The following ASTN2 variants were observed in gnomAD, a reference collection of about 807,000 sequenced individuals.
The protein encoded by ASTN2 is astrotactin 2.
Under a neutral mutation model 139.8 loss-of-function variants are expected in ASTN2, and 54 were observed. The observed-to-expected ratio is 0.39, with a 90% CI of 0.31 to 0.48. The LOEUF is 0.48. Ranked by LOEUF, ASTN2 falls within the 20% of genes least tolerant of loss-of-function variation. ASTN2 has a pLI of 0.95. For synonymous variants in ASTN2, 756 were observed against 719.5 expected, an observed-to-expected ratio of 1.05 and a Z score of -0.81; for missense variants, 1,565 against 1,725.1, an observed-to-expected ratio of 0.91 and a Z score of 1.64.
intron 13 of ASTN2, among the ~76,000 whole-genome samples, chr9:116,781,669 G>A (rs1276626432): frequency 6.6e-6 from 1 of 152,126 alleles, no homozygotes; most frequent in Non-Finnish European, 1.5e-5. Context: ...AAAAGTGTTG[G>A]ACATTTTTTT....
intron 19 of ASTN2, chr9:116,611,996 G>C (rs1325394864): frequency 6.6e-6 from 1 of 152,132 alleles, no homozygotes; most frequent in African/African-American, 2.4e-5. Flanking sequence ...ATCTCACATA[G>C]TAGGTTGTTT....
intron 10 of ASTN2, among the ~76,000 whole-genome samples, chr9:116,922,971 G>A (rs1045356211): frequency 6.6e-6 from 1 of 152,188 alleles, no homozygotes; most frequent in African/African-American, 2.4e-5. Flanking sequence ...GGGCAGAGGT[G>A]GTGCAGAACC....
At chr9:117,400,081 T>A (rs1830782232) in intron 1 of ASTN2, among the ~76,000 whole-genome samples, 2 of 152,210 alleles carry the variant, frequency 1.3e-5, no homozygotes, top group African/African-American at 4.8e-5. Flanking sequence ...TTCTCCTCTC[T>A]CTTGGAGTAG....
At chr9:117,116,834 CAAAAAAAAAAAAAAAAAAA>C (rs72075422) in intron 4 of ASTN2, among the ~76,000 whole-genome samples, 3 of 45,180 alleles carry the variant, frequency 6.6e-5, no homozygotes, top group South Asian at 1.4e-3. Flanking sequence ...TGGCATGAGC[CAAAAAAAAAAAAAAAAAAA>C]AAAAAAAAAA....
chr9:117,163,831 C>T (rs1830607931), intron 3 of ASTN2, among the ~76,000 whole-genome samples: 2 of 152,072 alleles, frequency 1.3e-5, no homozygotes, highest in African/African-American at 2.4e-5. Flanking sequence ...TAGACTTCCA[C>T]TCTTGTAACA....
At chr9:117,134,503 G>A (rs1829905344) in intron 4 of ASTN2, among the ~76,000 whole-genome samples, 1 of 151,890 alleles carries the variant, frequency 6.6e-6, no homozygotes. Flanking sequence ...TGATTTTGAT[G>A]GAGGATTTTG....
At chr9:116,498,625 C>T (rs949801326) in intron 19 of ASTN2, among the ~76,000 whole-genome samples, 1 of 151,632 alleles carries the variant, frequency 6.6e-6, no homozygotes, top group South Asian at 2.1e-4. Context: ...ATGTCAGTAT[C>T]TACTCTACAA....
chr9:116,912,535 C>T (rs1288462216), intron 10 of ASTN2, among the ~76,000 whole-genome samples: 1 of 152,160 alleles, frequency 6.6e-6, no homozygotes, highest in Admixed American at 6.5e-5. Context: ...CATAGCCTTG[C>T]TGTTAATATT....
intron 1 of ASTN2, among the ~76,000 whole-genome samples, chr9:117,405,160 G>A (rs1024725360): frequency 2.0e-5 from 3 of 152,212 alleles, no homozygotes; most frequent in Non-Finnish European, 4.4e-5. Context: ...AGAAACGCCT[G>A]CAGCTTCTTG....
intron 6 of ASTN2, among the ~76,000 whole-genome samples, chr9:117,013,052 C>G (rs1487597136): frequency 6.6e-6 from 1 of 152,054 alleles, no homozygotes; most frequent in Non-Finnish European, 1.5e-5. Context: ...CTTATTTGCC[C>G]ATCAGATTGT....
intron 4 of ASTN2, among the ~76,000 whole-genome samples, chr9:117,113,341 C>A (rs759441697): frequency 1.6e-4 from 24 of 152,118 alleles, no homozygotes; most frequent in Non-Finnish European, 2.6e-4. Context: ...AAATATCCAC[C>A]AACTGGTTGG....
intron 13 of ASTN2, among the ~76,000 whole-genome samples, chr9:116,781,735 GATCT>G (rs1340738266): frequency 1.3e-5 from 2 of 152,070 alleles, no homozygotes; most frequent in African/African-American, 2.4e-5. Context: ...CTGAGCATTG[GATCT>G]ATTAAAGGTG....
At chr9:117,239,485 G>A (rs1833144238) in intron 2 of ASTN2, among the ~76,000 whole-genome samples, 2 of 152,308 alleles carry the variant, frequency 1.3e-5, no homozygotes, top group Non-Finnish European at 2.9e-5. Context: ...GGGGCAGCAA[G>A]TGGCTTTGGG....
chr9:116,649,241 T>A (rs1023070033), intron 17 of ASTN2, among the ~76,000 whole-genome samples: 1 of 152,018 alleles, frequency 6.6e-6, no homozygotes, highest in African/African-American at 2.4e-5. Flanking sequence ...GTAGGTATGC[T>A]TTAACTTAAA....
intron 19 of ASTN2, among the ~76,000 whole-genome samples, chr9:116,554,472 A>G (rs937419805): frequency 1.3e-5 from 2 of 152,238 alleles, no homozygotes; most frequent in African/African-American, 2.4e-5. Flanking sequence ...AGTGTGGAAC[A>G]CATCAGAATC....
intron 19 of ASTN2, among the ~76,000 whole-genome samples, chr9:116,577,710 T>C (rs1272115099): frequency 2.6e-5 from 4 of 152,196 alleles, no homozygotes; most frequent in Non-Finnish European, 4.4e-5. Context: ...AGTTATCTCA[T>C]CTAATTTTTC....
intron 10 of ASTN2, among the ~76,000 whole-genome samples, chr9:116,935,837 G>A (rs955220841): frequency 2.6e-5 from 4 of 152,126 alleles, no homozygotes; most frequent in Admixed American, 2.6e-4. Flanking sequence ...CATGTTTCAG[G>A]CACCGTTATC....
chr9:117,318,592 A>G (rs1039726863), intron 1 of ASTN2, among the ~76,000 whole-genome samples: 1 of 152,194 alleles, frequency 6.6e-6, no homozygotes, highest in African/African-American at 2.4e-5. Context: ...CACTCTGAAG[A>G]ATAAGCCACA....
rs1854247324 is a variant in ASTN2, at chr9:116,588,431, T to C, written c.3355+29893A>G. Among the ~76,000 whole-genome samples, 3 of 152,288 alleles carry C rather than the reference T, an allele frequency of 2.0e-5. No homozygotes were observed. In the South Asian group the frequency reaches 6.2e-4, roughly 32 times the overall value. ...TCACTGAGCAGTGACAGTGGGGTCA[T>C]AGCAACAGACAAAAGGATGATCATG... On this transcript the variant is annotated intron_variant, in intron 19 of 22. Transcript: ENST00000313400.
Sources: gnomAD v4.1 joint callset for allele counts (sites outside exome capture counted in the v4.1 genomes callset) on GRCh38, gnomAD v4.1.1 for gene constraint, MANE v1.5 for transcripts, NCBI Gene and HGNC (gene_info 2026-07-23, HGNC 2026-07-21) for gene names.